Variants in ZFAND3 observed in about 807,000 individuals in gnomAD.
ZFAND3 encodes the protein AN1-type zinc finger protein 3.
A neutral mutation model predicts 29.6 loss-of-function variants in ZFAND3; 10 were observed. The ratio of observed to expected loss-of-function variants is 0.34; its 90% confidence interval spans 0.21 to 0.57. The LOEUF (loss-of-function observed/expected upper bound fraction) is 0.57, where lower values mean the gene tolerates loss of function less well. ZFAND3 is among the 20% of genes least tolerant of loss of function. The pLI, the probability that ZFAND3 is intolerant of heterozygous loss-of-function variation, is 0.86. For synonymous variants in ZFAND3, 128 were observed against 112.6 expected, an observed-to-expected ratio of 1.14 and a Z score of -0.87; for missense variants, 230 against 304.5, an observed-to-expected ratio of 0.76 and a Z score of 1.82.
At chr6:37,922,809 C>A (rs902605773) in intron 1 of ZFAND3, among the ~76,000 whole-genome samples, 1 of 152,154 alleles carries the variant, frequency 6.6e-6, no homozygotes, top group Non-Finnish European at 1.5e-5. Context: ...CAGGCACTTA[C>A]CATGAATGGA....
At chr6:38,129,570 T>C (rs1189678637) in intron 5 of ZFAND3, among the ~76,000 whole-genome samples, 1 of 152,228 alleles carries the variant, frequency 6.6e-6, no homozygotes, top group Non-Finnish European at 1.5e-5. Context: ...CACCGTTTGT[T>C]GAAAAGGGTG....
At chr6:37,923,634 A>G (rs1353608343) in intron 1 of ZFAND3, among the ~76,000 whole-genome samples, 2 of 152,206 alleles carry the variant, frequency 1.3e-5, no homozygotes, top group Non-Finnish European at 2.9e-5. Context: ...ACTATACATA[A>G]CTGTATGTGC....
At chr6:37,860,038 ATTT>A (rs367545879) in intron 1 of ZFAND3, among the ~76,000 whole-genome samples, 1 of 134,182 alleles carries the variant, frequency 7.5e-6, no homozygotes, top group Admixed American at 7.5e-5. Context: ...CGCCCAGCTA[ATTT>A]TTTTTTTTTT....
chr6:38,066,039 T>C (rs901113400), intron 3 of ZFAND3, among the ~76,000 whole-genome samples: 4 of 152,112 alleles, frequency 2.6e-5, no homozygotes, highest in Admixed American at 6.5e-5. Context: ...CATAAGAATT[T>C]TGGGGTGGAA....
At chr6:37,929,233 C>T (rs1003223909) in intron 1 of ZFAND3, among the ~76,000 whole-genome samples, 4 of 152,138 alleles carry the variant, frequency 2.6e-5, no homozygotes, top group Non-Finnish European at 2.9e-5. Context: ...TTCCTTGTTA[C>T]AGAAATGCTA....
chr6:37,881,161 T>A (rs1204565646), intron 1 of ZFAND3, among the ~76,000 whole-genome samples: 1 of 152,120 alleles, frequency 6.6e-6, no homozygotes, highest in Non-Finnish European at 1.5e-5. Flanking sequence ...AGCCTCCACC[T>A]CCCGGGTTCA....
At chr6:38,140,564 A>G (rs1360670147) in intron 5 of ZFAND3, among the ~76,000 whole-genome samples, 2 of 152,168 alleles carry the variant, frequency 1.3e-5, no homozygotes, top group African/African-American at 4.8e-5. Context: ...ATAATGGCTC[A>G]CTGCAGCCTT....
At chr6:38,094,300 T>C (rs1764933704) in intron 4 of ZFAND3, among the ~76,000 whole-genome samples, 2 of 152,060 alleles carry the variant, frequency 1.3e-5, no homozygotes, top group South Asian at 4.1e-4. Context: ...AAAGTAACAC[T>C]TTCCATGGGT....
chr6:37,912,058 G>A (rs1719073446), intron 1 of ZFAND3, among the ~76,000 whole-genome samples: 1 of 151,566 alleles, frequency 6.6e-6, no homozygotes, highest in Non-Finnish European at 1.5e-5. Context: ...GTGTGTGTGT[G>A]TGTGTGTGTG....
intron 2 of ZFAND3, among the ~76,000 whole-genome samples, chr6:37,968,943 TG>T (rs1241418736): frequency 1.3e-5 from 2 of 152,232 alleles, no homozygotes; most frequent in East Asian, 3.8e-4. Context: ...ACTGCAGTCA[TG>T]TGTCACTTAA....
intron 1 of ZFAND3, among the ~76,000 whole-genome samples, chr6:37,839,801 C>T (rs1764039156): frequency 6.6e-6 from 1 of 152,180 alleles, no homozygotes; most frequent in African/African-American, 2.4e-5. Context: ...GCTTGAGCCA[C>T]CGCACCCGGC....
intron 2 of ZFAND3, among the ~76,000 whole-genome samples, chr6:38,013,580 G>T (rs933727250): frequency 1.3e-5 from 2 of 152,184 alleles, no homozygotes; most frequent in Non-Finnish European, 1.5e-5. Context: ...GCCTCAGTTT[G>T]TGATGTAATG....
At position 37,858,818 on chromosome 6, in the gene ZFAND3, T is replaced by C. The variant is rs573129763; in HGVS notation, c.71+38802T>C. Among the ~76,000 whole-genome samples, 5 of 152,350 alleles carry C rather than the reference T, an allele frequency of 3.3e-5. No individual in the cohort carries two copies. In the South Asian group the frequency reaches 8.3e-4, roughly 25 times the overall value. On this transcript the variant is annotated intron_variant, in intron 1 of 5. Coordinates refer to ENST00000287218, the MANE Select transcript of ZFAND3 (RefSeq NM_021943.3). The stretch of plus-strand genomic sequence containing the variant: ...GACCAGTGTGTTTACTCCTTGAGGA[T>C]TTATTAATGTTTAATTGGCTCTTTC...
In ZFAND3 at chr6:38,152,371, C is replaced by T. The variant is rs992583775; in HGVS notation, c.666C>T (p.Ile222=). 9 of 1,594,238 alleles carry T rather than the reference C, an allele frequency of 5.6e-6. No individual in the cohort carries two copies. Among genetic ancestry groups the T allele is most frequent in the African/African-American group, 2.7e-5 (2 of 74,220 alleles). Residue 222 remains isoleucine (I), a synonymous_variant, in exon 6 of 6, where the codon ATC becomes ATT. Transcript: ENST00000287218. The stretch of plus-strand genomic sequence containing the variant: ...AAGTGGGGCGCTCCTGCCAGCGCAT[C>T]GGGGAGGGGTGCTCCTGAAGGCCAG... ...DRKVGRSCQR[I]GEGCS
At chr6:37,855,169 GAGTCTCACT>G (rs1374707794) in intron 1 of ZFAND3, among the ~76,000 whole-genome samples, 17 of 146,750 alleles carry the variant, frequency 1.2e-4, no homozygotes, top group Non-Finnish European at 6.0e-5. Context: ...TTTTGAGACA[GAGTCTCACT>G]CTGTTGCCCA....
intron 3 of ZFAND3, among the ~76,000 whole-genome samples, chr6:38,069,855 T>G (rs527346269): frequency 6.5e-4 from 99 of 152,358 alleles, no homozygotes; most frequent in Admixed American, 4.6e-3. Flanking sequence ...AGAACCAGAT[T>G]AAAGCAAAAC....
intron 2 of ZFAND3, among the ~76,000 whole-genome samples, chr6:37,990,125 A>G (rs773956126): frequency 6.6e-6 from 1 of 152,198 alleles, no homozygotes; most frequent in Non-Finnish European, 1.5e-5. Flanking sequence ...TTAACTAAGT[A>G]AGTCCCACCT....
chr6:38,033,240 A>G lies in ZFAND3; in HGVS notation c.113-28353A>G, dbSNP rs146043784. On this transcript the variant is annotated intron_variant, in intron 2 of 5. Coordinates refer to ENST00000287218, the MANE Select transcript of ZFAND3 (RefSeq NM_021943.3). ...ACTCTCTCTAGAAACTAAACATCATATAATATAGACTCTCATCTATAATGA... is the reference window on the plus strand; with the variant it reads ...ACTCTCTCTAGAAACTAAACATCATGTAATATAGACTCTCATCTATAATGA... Among the ~76,000 whole-genome samples the G allele has an allele frequency of 2.7e-3, 412 of 152,314 alleles. 2 individuals are homozygous for G. Among genetic ancestry groups the G allele is most frequent in the Admixed American group, 0.013 (202 of 15,300 alleles).
chr6:37,985,603 C>T (rs1470055924), intron 2 of ZFAND3, among the ~76,000 whole-genome samples: 1 of 151,932 alleles, frequency 6.6e-6, no homozygotes, highest in Non-Finnish European at 1.5e-5. Flanking sequence ...TTGCTTGAGC[C>T]CAGGAGGTTG....
Sources: allele counts gnomAD v4.1 joint callset (sites outside exome capture counted in the v4.1 genomes callset), GRCh38; gene constraint gnomAD v4.1.1; transcripts MANE v1.5; gene names NCBI Gene and HGNC (gene_info 2026-07-23, HGNC 2026-07-21).